Variants in PPIL2 observed in about 807,000 individuals in gnomAD.
The protein encoded by PPIL2 is RING-type E3 ubiquitin-protein ligase PPIL2.
PPIL2 carries 50 observed loss-of-function variants against 75.2 expected under a neutral mutation model. The ratio of observed to expected loss-of-function variants is 0.66; its 90% CI spans 0.53 to 0.84. The LOEUF is 0.84. Ranked by LOEUF, PPIL2 falls within the 40% of genes least tolerant of loss-of-function variation. The pLI is 0.00. For synonymous variants in PPIL2, 245 were observed against 258.8 expected, an observed-to-expected ratio of 0.95 and a Z score of 0.51; for missense variants, 590 against 685.0, an observed-to-expected ratio of 0.86 and a Z score of 1.55.
chr22:21,696,975 G>A lies in PPIL2; in HGVS notation c.*1485G>A. On this transcript the variant is annotated 3_prime_UTR_variant, in exon 20 of 20. Transcript: ENST00000398831. ...CTTCATCATGCTAAGAACAAGAACT[G>A]CGCCATGGCTGGCTCCTTCTCTTCT... The A allele has an allele frequency of 1.3e-6, 2 of 1,559,660 alleles. 1 individual carries two copies. The highest frequency in any genetic ancestry group is 2.4e-5 in the South Asian group (2 of 84,436).
At chr22:21,678,995 C>G (rs1433001229) in intron 6 of PPIL2, among the ~76,000 whole-genome samples, 1 of 150,416 alleles carries the variant, frequency 6.6e-6, no homozygotes, top group African/African-American at 2.5e-5. Context: ...CTCTTGGGTT[C>G]AAGCGATTCT....
rs2067942588 is a variant in PPIL2 at position 21,696,600 on chromosome 22, C to T, written c.*1110C>T. The T allele has an allele frequency of 8.8e-6, 13 of 1,472,510 alleles. No individual in the cohort carries two copies. Among genetic ancestry groups the T allele is most frequent in the Non-Finnish European group, 1.2e-5 (13 of 1,114,576 alleles). The allele number at this position is 1,472,510 out of a possible 1,614,324, so 91.2% of individuals were successfully genotyped here. A position where few individuals can be genotyped will look rare whatever the true frequency, so the allele number is the denominator to read the frequency against. The stretch of plus-strand genomic sequence containing the variant: ...AGGCCAGTGGTCAGTGTTCTCATGT[C>T]ATGGACTCTCCTTGCCTGACACTTG... On this transcript the variant is annotated 3_prime_UTR_variant, in exon 20 of 20. Coordinates refer to ENST00000398831, the MANE Select transcript of PPIL2 (RefSeq NM_014337.4).
rs74836292 is a variant in PPIL2, at chr22:21,696,072, G to A, written c.*582G>A. 39,174 of 831,702 alleles carry A rather than the reference G, an allele frequency of 0.047. 1,072 individuals are homozygous for A. The highest frequency in any genetic ancestry group is 0.054 in the Non-Finnish European group (36,835 of 686,098). The allele number at this position is 831,702 out of a possible 1,614,324, so 51.5% of individuals were successfully genotyped here. A position where few individuals can be genotyped will look rare whatever the true frequency, so the allele number is the denominator to read the frequency against. ...CAACCAGTGTGGTCCCCTGACCAAC[G>A]CCATTACCTGGGACAAGTTTTCAGA... On this transcript the variant is annotated 3_prime_UTR_variant, in exon 20 of 20. Transcript: ENST00000398831.
intron 5 of PPIL2, among the ~76,000 whole-genome samples, chr22:21,672,879 G>A (rs893599148): frequency 3.3e-5 from 5 of 152,142 alleles, no homozygotes; most frequent in Non-Finnish European, 5.9e-5. Context: ...TGGGCTCCCT[G>A]TGCTGGAGCC....
chr22:21,688,885 G>A, intron 15 of PPIL2, 36 bp downstream of exon 15: 1 of 1,578,074 alleles, frequency 6.3e-7, no homozygotes, highest in Non-Finnish European at 8.7e-7. Context: ...GGCCTGGGAG[G>A]TGAGCCGGCA....
Position 21,687,006 on chromosome 22 carries a change from T to A in PPIL2, c.897+8T>A. On this transcript the variant is annotated splice_region_variant and intron_variant, in intron 12 of 19. Transcript: ENST00000398831. ...GAGCTGCACTGCGACCTGGTGGGTGTGGAGGCCAGCCACTCCCCATGCCCC... is the reference window on the plus strand; with the variant it reads ...GAGCTGCACTGCGACCTGGTGGGTGAGGAGGCCAGCCACTCCCCATGCCCC... 1 of 1,602,038 alleles carries A rather than the reference T, an allele frequency of 6.2e-7. No homozygotes were observed. Among genetic ancestry groups the A allele is most frequent in the Non-Finnish European group, 8.5e-7 (1 of 1,170,776 alleles).
intron 9 of PPIL2, among the ~76,000 whole-genome samples, chr22:21,683,524 G>A (rs1313164292): frequency 6.6e-6 from 1 of 152,260 alleles, no homozygotes; most frequent in Non-Finnish European, 1.5e-5. Context: ...GCAGGTGGTG[G>A]GGTGATGGGG....
At chr22:21,686,122 C>T (rs890373876) in intron 10 of PPIL2, among the ~76,000 whole-genome samples, 51 of 152,128 alleles carry the variant, frequency 3.4e-4, no homozygotes, top group Non-Finnish European at 1.2e-4. Context: ...GGATCACACA[C>T]CACTGCACTC....
At chr22:21,692,664 G>A (rs1455372466) in intron 15 of PPIL2, among the ~76,000 whole-genome samples, 4 of 151,088 alleles carry the variant, frequency 2.6e-5, no homozygotes, top group East Asian at 2.0e-4. Context: ...AGTGGCTCAC[G>A]CCTGTAATCC....
At chr22:21,675,217 G>C in intron 6 of PPIL2, 102 bp downstream of exon 6, 1 of 1,125,548 alleles carries the variant, frequency 8.9e-7, no homozygotes. Context: ...TTCTGACCAA[G>C]CTAGACACCT....
chr22:21,684,934 G>A (rs776934229), intron 10 of PPIL2, 21 bp downstream of exon 10: 5 of 1,611,462 alleles, frequency 3.1e-6, no homozygotes, highest in South Asian at 2.2e-5. Flanking sequence ...GAGGGCACTC[G>A]GCCAAGCCCA....
intron 6 of PPIL2, among the ~76,000 whole-genome samples, chr22:21,676,291 A>T (rs2066843233): frequency 9.1e-5 from 7 of 76,936 alleles, no homozygotes; most frequent in African/African-American, 1.9e-4. Flanking sequence ...TCATTCAGCA[A>T]ATATTTATTT....
chr22:21,688,944 C>G, intron 15 of PPIL2, 95 bp downstream of exon 15: 1 of 1,173,590 alleles, frequency 8.5e-7, no homozygotes, highest in Non-Finnish European at 1.3e-6. Context: ...TGTGCTGGTT[C>G]TGAATCATAC....
rs12484060 is a variant in PPIL2 at position 21,695,494 on chromosome 22, C to T, written c.*4C>T. 542,011 of 1,589,604 alleles carry T rather than the reference C, an allele frequency of 0.34. 93,397 individuals are homozygous for T. Among genetic ancestry groups the T allele is most frequent in the East Asian group, 0.42 (18,439 of 43,998 alleles). On this transcript the variant is annotated 3_prime_UTR_variant, in exon 20 of 20. Coordinates refer to ENST00000398831, the MANE Select transcript of PPIL2 (RefSeq NM_014337.4). ...TGGGGACTTCAGCTCCTGGTAGCAG[C>T]AGGTTGGCCGCTGTGGACCTTGGTG...
chr22:21,685,486 A>G (rs1005961848), intron 10 of PPIL2, among the ~76,000 whole-genome samples: 1 of 152,188 alleles, frequency 6.6e-6, no homozygotes, highest in Non-Finnish European at 1.5e-5. Context: ...GGGCAGAGAC[A>G]TGGGCAGGTA....
At chr22:21,676,243 A>AGTGTGTGTGTGT (rs36131221) in intron 6 of PPIL2, among the ~76,000 whole-genome samples, 1,758 of 130,510 alleles carry the variant, frequency 0.013, 26 homozygotes, top group Non-Finnish European at 0.019. Context: ...TGTGATCAGC[A>AGTGTGTGTGTGT]GTGTGTGTGT....
chr22:21,698,010 G>A (rs1431569797), downstream of PPIL2: 6 of 152,340 alleles, frequency 3.9e-5, no homozygotes, highest in East Asian at 9.4e-4. Flanking sequence ...CATTCCTACA[G>A]CAAATGCACT....
chr22:21,688,155 G>T, intron 14 of PPIL2, 49 bp downstream of exon 14: 1 of 1,609,648 alleles, frequency 6.2e-7, no homozygotes, highest in South Asian at 1.1e-5. Flanking sequence ...CTGCTCCGTG[G>T]GGCATGAGGG....
intron 7 of PPIL2, 70 bp from the exon 8 acceptor site, chr22:21,682,367 C>T: frequency 1.5e-6 from 2 of 1,372,906 alleles, no homozygotes; most frequent in Non-Finnish European, 2.1e-6. Context: ...AGCTCCAGGC[C>T]TCCCTGCTTG....
Sources: gnomAD v4.1 joint callset for allele counts (sites outside exome capture counted in the v4.1 genomes callset) on GRCh38, gnomAD v4.1.1 for gene constraint, MANE v1.5 for transcripts, NCBI Gene and HGNC (gene_info 2026-07-23, HGNC 2026-07-21) for gene names.